Variants in DGKB observed in about 807,000 individuals in gnomAD.
The protein encoded by DGKB is 90 kDa diacylglycerol kinase.
A neutral mutation model predicts 114.3 loss-of-function variants in DGKB; 67 were observed. That is an observed-to-expected ratio of 0.59 (90% CI 0.48 to 0.72). DGKB has a LOEUF of 0.72. Among genes scored for constraint, DGKB ranks in the 30% least tolerant of loss-of-function variants. The probability of loss-of-function intolerance (pLI) is 0.00; values close to 1 mark genes in which losing one functional copy is unlikely to be tolerated. For synonymous variants in DGKB, 398 were observed against 323.1 expected (o/e 1.23, Z -2.49); for missense variants, 907 against 975.2 (o/e 0.93, Z 0.93).
chr7:14,348,469 C>T (rs917364031), intron 21 of DGKB, among the ~76,000 whole-genome samples: 1 of 151,692 alleles, frequency 6.6e-6, no homozygotes, highest in African/African-American at 2.4e-5. Context: ...CATAAACAGA[C>T]ATTTCACCAA....
intron 21 of DGKB, among the ~76,000 whole-genome samples, chr7:14,459,032 A>G (rs1262222728): frequency 2.0e-5 from 3 of 152,192 alleles, no homozygotes; most frequent in East Asian, 1.9e-4. Context: ...GGCGTCCGCC[A>G]TTACTGAAGC....
intron 20 of DGKB, among the ~76,000 whole-genome samples, chr7:14,553,994 T>G (rs1483515930): frequency 2.0e-5 from 3 of 147,394 alleles, no homozygotes; most frequent in African/African-American, 7.5e-5. Context: ...TGCCTCAGCC[T>G]CCCGAGTAGC....
intron 1 of DGKB, among the ~76,000 whole-genome samples, chr7:14,940,173 A>C (rs982588024): frequency 6.6e-6 from 1 of 152,170 alleles, no homozygotes; most frequent in African/African-American, 2.4e-5. Flanking sequence ...CCTTACACAC[A>C]CTCAGCAAAT....
intron 2 of DGKB, among the ~76,000 whole-genome samples, chr7:14,823,760 TGCA>T (rs2128106686): frequency 6.6e-6 from 1 of 152,308 alleles, no homozygotes; most frequent in Non-Finnish European, 1.5e-5. Flanking sequence ...CTCCATATAC[TGCA>T]GGTTACCTAA....
chr7:14,416,495 C>T (rs35469417), intron 21 of DGKB, among the ~76,000 whole-genome samples: 40,183 of 151,940 alleles, frequency 0.26, 5,820 homozygotes, highest in East Asian at 0.47. Flanking sequence ...GCATCCCCAC[C>T]CAAATCTCAT....
chr7:14,727,825 T>C (rs958575428), intron 5 of DGKB, among the ~76,000 whole-genome samples: 2 of 152,170 alleles, frequency 1.3e-5, no homozygotes, highest in African/African-American at 2.4e-5. Context: ...TACACACATA[T>C]ATATTTAATA....
intron 21 of DGKB, among the ~76,000 whole-genome samples, chr7:14,455,324 A>T (rs576457892): frequency 6.6e-6 from 1 of 152,104 alleles, no homozygotes; most frequent in South Asian, 2.1e-4. Flanking sequence ...TTTTGTAAAA[A>T]ACTCCCTAGG....
intron 13 of DGKB, 120 bp downstream of exon 13, chr7:14,672,809 T>G: frequency 2.0e-6 from 1 of 512,562 alleles, no homozygotes; most frequent in Non-Finnish European, 3.5e-6. Flanking sequence ...CGACGTATTT[T>G]AGATCTATAT....
At chr7:14,209,527 T>G (rs1474747973) in intron 23 of DGKB, 8 of 503,806 alleles carry the variant, frequency 1.6e-5, no homozygotes, top group South Asian at 1.2e-4. Context: ...ATATGCAGTC[T>G]TCAGCTGCAC....
chr7:14,610,642 T>C (rs953958466), intron 16 of DGKB, among the ~76,000 whole-genome samples: 30 of 152,096 alleles, frequency 2.0e-4, no homozygotes, highest in Non-Finnish European at 4.4e-5. Context: ...CAGTATGTAA[T>C]ATCTGCTCAT....
intron 21 of DGKB, among the ~76,000 whole-genome samples, chr7:14,361,509 T>C (rs1815736845): frequency 6.6e-6 from 1 of 151,990 alleles, no homozygotes; most frequent in Non-Finnish European, 1.5e-5. Context: ...TGATCTGTTT[T>C]TGTTGCCAGT....
At chr7:14,877,569 C>A (rs546329044) in intron 1 of DGKB, among the ~76,000 whole-genome samples, 54 of 152,214 alleles carry the variant, frequency 3.5e-4, no homozygotes, top group Admixed American at 7.2e-4. Context: ...AAACAAAAAA[C>A]AGAAAGAAAA....
chr7:14,256,390 C>A (rs1401226873), intron 23 of DGKB, among the ~76,000 whole-genome samples: 1 of 151,808 alleles, frequency 6.6e-6, no homozygotes, highest in Non-Finnish European at 1.5e-5. Flanking sequence ...ATAATTTTCC[C>A]TTTAAATACC....
chr7:14,276,333 T>C (rs1166059430), intron 23 of DGKB, among the ~76,000 whole-genome samples: 1 of 152,228 alleles, frequency 6.6e-6, no homozygotes, highest in African/African-American at 2.4e-5. Flanking sequence ...TTAATATTTC[T>C]TGCTATTGTA....
chr7:14,903,650 G>A (rs942922994), upstream of DGKB, among the ~76,000 whole-genome samples: 22 of 152,164 alleles, frequency 1.4e-4, no homozygotes, highest in African/African-American at 4.6e-4. Flanking sequence ...CCTCGGAGCA[G>A]GTGACTGGAG....
At chr7:14,208,014 CA>C (rs1252569609) in intron 23 of DGKB, among the ~76,000 whole-genome samples, 1 of 152,010 alleles carries the variant, frequency 6.6e-6, no homozygotes, top group Non-Finnish European at 1.5e-5. Context: ...ATGATATTCT[CA>C]GTAAAGTTTT....
In DGKB at chr7:14,597,724, A is replaced by G. The variant is rs189182415; in HGVS notation, c.1433+9710T>C. On this transcript the variant is annotated intron_variant, in intron 17 of 25. Coordinates refer to ENST00000402815, the MANE Select transcript of DGKB (RefSeq NM_001350709.2). ...AGAGAGATTTTTACAGGGTTTTATTACTTGAGTCACCTAAGACTTGAGTCT... is the reference window on the plus strand; with the variant it reads ...AGAGAGATTTTTACAGGGTTTTATTGCTTGAGTCACCTAAGACTTGAGTCT... Among the ~76,000 whole-genome samples the G allele has an allele frequency of 6.6e-5, 10 of 152,246 alleles. No individual in the cohort carries two copies. The East Asian group carries it at 1.9e-3, about 29-fold the overall frequency.
At chr7:14,649,326 G>C (rs1813892045) in intron 13 of DGKB, among the ~76,000 whole-genome samples, 1 of 151,778 alleles carries the variant, frequency 6.6e-6, no homozygotes, top group Non-Finnish European at 1.5e-5. Context: ...CCAGAAGACA[G>C]TGGGGACCAA....
At chr7:14,900,737 T>C (rs947837827) in intron 1 of DGKB, among the ~76,000 whole-genome samples, 1 of 152,180 alleles carries the variant, frequency 6.6e-6, no homozygotes, top group Non-Finnish European at 1.5e-5. Context: ...GAGCTTTGCT[T>C]ACCAGTAGGA....
Sources: allele counts gnomAD v4.1 joint callset (sites outside exome capture counted in the v4.1 genomes callset), GRCh38; gene constraint gnomAD v4.1.1; transcripts MANE v1.5; gene names NCBI Gene and HGNC (gene_info 2026-07-23, HGNC 2026-07-21).